PALM2AKAP2: variants seen among roughly 807,000 people sequenced by gnomAD.
The protein encoded by PALM2AKAP2 is PALM2-AKAP2 fusion protein.
In PALM2AKAP2, 37 loss-of-function variants were observed where a neutral mutation model predicts 71.5. That is an observed-to-expected ratio of 0.52 (90% confidence interval 0.40 to 0.68). The LOEUF is 0.68. Among genes scored for constraint, PALM2AKAP2 ranks in the 30% least tolerant of loss-of-function variants. The pLI is 0.00. For synonymous variants in PALM2AKAP2, 468 were observed against 478.8 expected, an observed-to-expected ratio of 0.98 and a Z score of 0.29; for missense variants, 1,224 against 1,191.8, an observed-to-expected ratio of 1.03 and a Z score of -0.40.
intron 1 of PALM2AKAP2, among the ~76,000 whole-genome samples, chr9:109,833,119 G>A (rs921195269): frequency 3.9e-5 from 6 of 152,166 alleles, no homozygotes; most frequent in African/African-American, 9.7e-5. Context: ...CACTTTGGGA[G>A]GCCGAGGCAG....
At chr9:109,834,074 A>T (rs752293635) in intron 1 of PALM2AKAP2, among the ~76,000 whole-genome samples, 1 of 152,190 alleles carries the variant, frequency 6.6e-6, no homozygotes, top group Admixed American at 6.5e-5. Flanking sequence ...TTAGCAGGAC[A>T]TAGTGGCATG....
At chr9:109,701,542 T>G (rs913754905) in intron 1 of PALM2AKAP2, among the ~76,000 whole-genome samples, 1 of 152,212 alleles carries the variant, frequency 6.6e-6, no homozygotes, top group Non-Finnish European at 1.5e-5. Flanking sequence ...GCTAGCCATA[T>G]GTAGAAAGCT....
intron 3 of PALM2AKAP2, among the ~76,000 whole-genome samples, chr9:109,904,615 G>T (rs760921178): frequency 2.0e-5 from 3 of 152,182 alleles, no homozygotes; most frequent in Non-Finnish European, 4.4e-5. Flanking sequence ...CTTTCAGCAG[G>T]TAATTCTCCC....
At chr9:109,734,478 T>C (rs1336136987) in intron 1 of PALM2AKAP2, among the ~76,000 whole-genome samples, 1 of 152,224 alleles carries the variant, frequency 6.6e-6, no homozygotes, top group Non-Finnish European at 1.5e-5. Context: ...ACATTTCAGG[T>C]GCTCAAAACA....
chr9:109,697,249 G>T (rs1259907971), intron 1 of PALM2AKAP2, among the ~76,000 whole-genome samples: 1 of 151,804 alleles, frequency 6.6e-6, no homozygotes, highest in African/African-American at 2.4e-5. Flanking sequence ...AGTGAAAAAA[G>T]CAAGTTATAG....
intron 1 of PALM2AKAP2, among the ~76,000 whole-genome samples, chr9:109,785,739 G>C (rs1225028393): frequency 6.6e-6 from 1 of 152,166 alleles, no homozygotes; most frequent in Non-Finnish European, 1.5e-5. Flanking sequence ...CTCCTACCAT[G>C]TCCCTCCCAC....
chr9:110,142,964 T>C (rs781543842), intron 2 of PALM2AKAP2, among the ~76,000 whole-genome samples: 3 of 152,234 alleles, frequency 2.0e-5, no homozygotes, highest in Non-Finnish European at 4.4e-5. Context: ...GTCTTCCTAT[T>C]GTAATGCATC....
chr9:109,685,081 A>G (rs1307451566), intron 1 of PALM2AKAP2, among the ~76,000 whole-genome samples: 1 of 152,206 alleles, frequency 6.6e-6, no homozygotes, highest in African/African-American at 2.4e-5. Flanking sequence ...TTTATGTGCA[A>G]TTCTAGAAGA....
intron 1 of PALM2AKAP2, among the ~76,000 whole-genome samples, chr9:109,835,887 CGAACTGG>C (rs926809289): frequency 3.3e-5 from 5 of 152,122 alleles, no homozygotes; most frequent in Non-Finnish European, 7.4e-5. Context: ...CCGGGAAGCT[CGAACTGG>C]GTGGAGCCCA....
chr9:109,708,446 A>G (rs1344628164), intron 1 of PALM2AKAP2, among the ~76,000 whole-genome samples: 3 of 152,242 alleles, frequency 2.0e-5, no homozygotes, highest in African/African-American at 7.2e-5. Flanking sequence ...GAAACAATAA[A>G]TTAAGCATCA....
chr9:109,746,410 C>CA (rs1443783476), intron 1 of PALM2AKAP2, among the ~76,000 whole-genome samples: 1 of 152,136 alleles, frequency 6.6e-6, no homozygotes, highest in Non-Finnish European at 1.5e-5. Context: ...GCACAGGGCA[C>CA]AATAGGTCCC....
rs1833960252 is a variant in PALM2AKAP2 at position 110,061,269 on chromosome 9, A to G, written c.156+12414A>G. On this transcript the variant is annotated intron_variant, in intron 1 of 3. Transcript: ENST00000374525. Reference sequence around the variant, plus strand: ...AACAATTACTGCAGCTTTATGAAGAATGCATCCAAACCAAGGACAGAGTGG... The same window carrying G: ...AACAATTACTGCAGCTTTATGAAGAGTGCATCCAAACCAAGGACAGAGTGG... 2.6e-5 allele frequency among the ~76,000 whole-genome samples: 4 copies of G among 152,248 alleles called. No homozygotes were observed. The South Asian group carries it at 8.3e-4, about 31-fold the overall frequency.
At chr9:110,115,303 C>T (rs1835339237) in intron 1 of PALM2AKAP2, among the ~76,000 whole-genome samples, 1 of 152,228 alleles carries the variant, frequency 6.6e-6, no homozygotes, top group South Asian at 2.1e-4. Context: ...ACAGTCAGAA[C>T]CAGGGTCAGG....
At chr9:109,670,743 A>G (rs1277298747) in intron 1 of PALM2AKAP2, among the ~76,000 whole-genome samples, 2 of 152,184 alleles carry the variant, frequency 1.3e-5, no homozygotes, top group Non-Finnish European at 1.5e-5. Flanking sequence ...CCAACAATGT[A>G]TAAGGATTCC....
chr9:109,957,753 T>C lies in PALM2AKAP2; in HGVS notation c.496+25725T>C, dbSNP rs184572464. Among the ~76,000 whole-genome samples the C allele has an allele frequency of 7.4e-4, 113 of 152,344 alleles. 1 individual carries two copies. The highest frequency in any genetic ancestry group is 5.2e-3 in the South Asian group (25 of 4,820). ...ACATTTTCTCCAAAATATAATGCTA[T>C]GAGGGCCCCCACTCCAGAGATCATT... On this transcript the variant is annotated intron_variant, in intron 6 of 9. Coordinates refer to the PALM2AKAP2 transcript ENST00000302798.
chr9:110,006,626 G>A (rs1442517286), intron 6 of PALM2AKAP2, among the ~76,000 whole-genome samples: 1 of 152,028 alleles, frequency 6.6e-6, no homozygotes, highest in Non-Finnish European at 1.5e-5. Context: ...GCCTCCCAAA[G>A]TGCTGGGATT....
intron 1 of PALM2AKAP2, among the ~76,000 whole-genome samples, chr9:109,723,421 T>C (rs1026129319): frequency 2.6e-5 from 4 of 152,178 alleles, no homozygotes; most frequent in African/African-American, 9.7e-5. Flanking sequence ...CATGCTACCA[T>C]GTTACCAGGT....
At chr9:110,029,412 G>A (rs180718207) in intron 7 of PALM2AKAP2, among the ~76,000 whole-genome samples, 2 of 152,184 alleles carry the variant, frequency 1.3e-5, no homozygotes, top group Non-Finnish European at 2.9e-5. Flanking sequence ...ATCTCTGAGT[G>A]GTCACCCTAA....
At chr9:109,982,400 G>A (rs13284637) in intron 6 of PALM2AKAP2, among the ~76,000 whole-genome samples, 50,917 of 151,954 alleles carry the variant, frequency 0.34, 9,856 homozygotes, top group Non-Finnish European at 0.44. Flanking sequence ...TTGATAGCAC[G>A]AAGGGTAACT....
Sources: gnomAD v4.1 joint callset for allele counts (sites outside exome capture counted in the v4.1 genomes callset) on GRCh38, gnomAD v4.1.1 for gene constraint, MANE v1.5 for transcripts, NCBI Gene and HGNC (gene_info 2026-07-23, HGNC 2026-07-21) for gene names.